Variants in SLC9A8 observed in about 807,000 individuals in gnomAD.
SLC9A8 encodes sodium/hydrogen exchanger 8.
A neutral mutation model predicts 66.6 loss-of-function variants in SLC9A8; 48 were observed. That is an observed-to-expected ratio of 0.72 (90% confidence interval 0.57 to 0.92). The LOEUF is 0.92. SLC9A8 is among the 40% of genes least tolerant of loss of function. The pLI is 0.00. For synonymous variants in SLC9A8, 274 were observed against 282.6 expected, an observed-to-expected ratio of 0.97 and a Z score of 0.31; for missense variants, 599 against 747.3, an observed-to-expected ratio of 0.80 and a Z score of 2.31.
At chr20:49,853,386 C>T (rs1419889928) in intron 7 of SLC9A8, among the ~76,000 whole-genome samples, 2 of 152,228 alleles carry the variant, frequency 1.3e-5, no homozygotes, top group Non-Finnish European at 2.9e-5. Flanking sequence ...AAGCCATCCT[C>T]CCACCTCAGC....
At chr20:49,832,035 A>G (rs2087221795) in intron 3 of SLC9A8, among the ~76,000 whole-genome samples, 1 of 152,170 alleles carries the variant, frequency 6.6e-6, no homozygotes, top group African/African-American at 2.4e-5. Context: ...GTTAGGCCAC[A>G]GACTCTTCAC....
chr20:49,860,751 A>T (rs1287049833), intron 8 of SLC9A8, among the ~76,000 whole-genome samples: 3 of 152,052 alleles, frequency 2.0e-5, no homozygotes, highest in Non-Finnish European at 1.5e-5. Context: ...AATGATATCG[A>T]TTCATGACAT....
At position 49,863,043 on chromosome 20, in the gene SLC9A8, T is replaced by C. The variant is rs1242608723; in HGVS notation, c.828T>C (p.Thr276=). Residue 276 remains threonine, a synonymous_variant, in exon 9 of 16, where the codon ACT becomes ACC. Transcript: ENST00000361573. ...KMFFGSAALG[T]LTGLISALVL... ...TCTTTGGCTCTGCAGCGCTCGGCACTCTCACTGGCTTAATTTCTGCATTAA... is the reference window on the plus strand; with the variant it reads ...TCTTTGGCTCTGCAGCGCTCGGCACCCTCACTGGCTTAATTTCTGCATTAA... 4 of 1,613,336 alleles carry C rather than the reference T, an allele frequency of 2.5e-6. No homozygotes were observed. The highest frequency in any genetic ancestry group is 4.5e-5 in the East Asian group (2 of 44,878).
chr20:49,816,193 A>G (rs2086541718), intron 2 of SLC9A8, among the ~76,000 whole-genome samples: 2 of 152,012 alleles, frequency 1.3e-5, no homozygotes, highest in Non-Finnish European at 2.9e-5. Context: ...GCCAAGGCAG[A>G]TGGATCACTT....
At chr20:49,871,910 C>G (rs2089219775) in intron 10 of SLC9A8, among the ~76,000 whole-genome samples, 1 of 152,140 alleles carries the variant, frequency 6.6e-6, no homozygotes, top group Admixed American at 6.5e-5. Flanking sequence ...TAAGGAAAAC[C>G]AGAAGGAAGA....
In SLC9A8 at chr20:49,873,919, G is replaced by A. The variant is rs111461384; in HGVS notation, c.959-786G>A. Among the ~76,000 whole-genome samples the A allele has an allele frequency of 4.4e-3, 671 of 151,872 alleles. 1 individual carries two copies. Among genetic ancestry groups the A allele is most frequent in the Non-Finnish European group, 5.9e-3 (403 of 67,974 alleles). On this transcript the variant is annotated intron_variant, in intron 10 of 15. Coordinates refer to ENST00000361573, the MANE Select transcript of SLC9A8 (RefSeq NM_015266.3). ...GAGGATCAGCTGTAGGACTCCCCAC[G>A]TATAGAAAATTCATAGGTGCTCAAG... is the stretch of plus-strand genomic sequence containing the variant.
chr20:49,816,670 C>G (rs1380894058), intron 2 of SLC9A8, among the ~76,000 whole-genome samples: 3 of 152,098 alleles, frequency 2.0e-5, no homozygotes, highest in Non-Finnish European at 4.4e-5. Flanking sequence ...CCAGTTGAAA[C>G]TACACAACCA....
chr20:49,880,966 T>C lies in SLC9A8; in HGVS notation c.1201T>C (p.Ser401Pro). Residue 401 changes from serine (S) to proline (P), a missense_variant, in exon 13 of 16, where the codon TCC becomes CCC. Ser to Pro is a moderately conservative substitution (Grantham distance 74). This residue lies in a region of SLC9A8 where 467 missense variants were observed against 626.5 expected (regional missense o/e 0.75). Coordinates refer to ENST00000361573, the MANE Select transcript of SLC9A8 (RefSeq NM_015266.3). ...FGRAVNIFPL[S>P]YLLNFFRDHK... Reference sequence around the variant, plus strand: ...CAGAGCGGTAAACATTTTCCCTCTTTCCTACCTCCTGAATTTCTTCCGGGA... The same window carrying C: ...CAGAGCGGTAAACATTTTCCCTCTTCCCTACCTCCTGAATTTCTTCCGGGA... 6.2e-7 allele frequency: 1 copy of C among 1,614,046 alleles called. No individual in the cohort carries two copies. Among genetic ancestry groups the C allele is most frequent in the Non-Finnish European group, 8.5e-7 (1 of 1,179,894 alleles).
At position 49,831,093 on chromosome 20, in the gene SLC9A8, G is replaced by T. The variant is rs200822651; in HGVS notation, c.289+7952G>T. 500 of 640,940 alleles carry T rather than the reference G, an allele frequency of 7.8e-4. 4 individuals are homozygous for T. In the East Asian group the frequency reaches 0.014, roughly 18 times the overall value. The allele number at this position is 640,940 out of a possible 1,614,324, so 39.7% of individuals were successfully genotyped here. On this transcript the variant is annotated intron_variant, in intron 3 of 15. Transcript: ENST00000361573. Reference sequence around the variant, plus strand: ...TGAGCCTGCATACACTAAGCCGTCGGACCCCCCACCCCCAGCCCTCTAATC... The same window carrying T: ...TGAGCCTGCATACACTAAGCCGTCGTACCCCCCACCCCCAGCCCTCTAATC...
intron 14 of SLC9A8, chr20:49,884,277 A>G (rs1448331407): frequency 1.2e-5 from 2 of 173,794 alleles, no homozygotes; most frequent in South Asian, 4.8e-5. Context: ...CACACACGAC[A>G]CACACACACA....
At position 49,845,028 on chromosome 20, in the gene SLC9A8, A is replaced by G; in HGVS notation, c.349-8A>G. 1 of 1,601,362 alleles carries G rather than the reference A, an allele frequency of 6.2e-7. No homozygotes were observed. The highest frequency in any genetic ancestry group is 2.2e-5 in the East Asian group (1 of 44,812). Reference sequence around the variant, plus strand: ...CATGCCCTTAAGATACTCATTTTCTATTTACAGGAAGAAGAAATGTTTCGT... The same window carrying G: ...CATGCCCTTAAGATACTCATTTTCTGTTTACAGGAAGAAGAAATGTTTCGT... On this transcript the variant is annotated splice_polypyrimidine_tract_variant and splice_region_variant and intron_variant, in intron 4 of 15. Transcript: ENST00000361573.
intron 7 of SLC9A8, among the ~76,000 whole-genome samples, chr20:49,853,730 G>A (rs990126624): frequency 3.3e-5 from 5 of 152,166 alleles, no homozygotes; most frequent in African/African-American, 1.2e-4. Flanking sequence ...CACCCATGAC[G>A]AAAATTCAGC....
chr20:49,889,549 C>T lies in SLC9A8; in HGVS notation c.*1613C>T, dbSNP rs1600839781. ...GCCCGATCCTACCACCTCGCCTTGA[C>T]CCTGAAGTCAGAGCAGGCCAGCCAA... On this transcript the variant is annotated 3_prime_UTR_variant, in exon 16 of 16. Coordinates refer to ENST00000361573, the MANE Select transcript of SLC9A8 (RefSeq NM_015266.3). 1 of 152,318 alleles carries T rather than the reference C, an allele frequency of 6.6e-6. No homozygotes were observed. The highest frequency in any genetic ancestry group is 2.4e-5 in the African/African-American group (1 of 41,466). The allele number at this position is 152,318 out of a possible 1,614,324, so 9.4% of individuals were successfully genotyped here.
rs1335832657 is a variant in SLC9A8, at chr20:49,890,181, A to C, written c.*2245A>C. ...CCCCTGTCGGCCAGGTGAGGTCAGCAGCCTGGGAGAGTGCCCCCAAGAGAT... is the reference window on the plus strand; with the variant it reads ...CCCCTGTCGGCCAGGTGAGGTCAGCCGCCTGGGAGAGTGCCCCCAAGAGAT... On this transcript the variant is annotated 3_prime_UTR_variant, in exon 16 of 16. Transcript: ENST00000361573. 2 of 152,206 alleles carry C rather than the reference A, an allele frequency of 1.3e-5. No individual in the cohort carries two copies. Among genetic ancestry groups the C allele is most frequent in the African/African-American group, 4.8e-5 (2 of 41,436 alleles). 9.4% of individuals were successfully genotyped at this position (152,206 alleles called of 1,614,324 possible). A position where few individuals can be genotyped will look rare whatever the true frequency, so the allele number is the denominator to read the frequency against.
Position 49,883,931 on chromosome 20 carries a change from C to T in SLC9A8, c.1356C>T (p.Thr452=), listed in dbSNP as rs1282840457. ...AGCGGCAGCTCATCGGCACCACCAC[C>T]ATCGTCATCGTGCTCTTCACCATCC... ...MEKRQLIGTT[T]IVIVLFTILL... is the part of the protein sequence containing the mutation. The change falls in exon 14 of 16, where the codon ACC becomes ACT. Residue 452 remains threonine (T), a synonymous_variant. Transcript: ENST00000361573. The T allele has an allele frequency of 6.2e-7, 1 of 1,612,456 alleles. No homozygotes were observed. The highest frequency in any genetic ancestry group is 8.5e-7 in the Non-Finnish European group (1 of 1,179,978).
chr20:49,884,436 C>T (rs997795828), intron 14 of SLC9A8, among the ~76,000 whole-genome samples: 2 of 151,818 alleles, frequency 1.3e-5, no homozygotes, highest in Non-Finnish European at 2.9e-5. Context: ...CCTGCCGCAG[C>T]CATGGGGGCT....
In SLC9A8 at chr20:49,850,832, A is replaced by G. The variant is rs2088216549; in HGVS notation, c.557A>G (p.Asn186Ser). The G allele has an allele frequency of 1.2e-6, 2 of 1,610,422 alleles. No homozygotes were observed. The highest frequency in any genetic ancestry group is 2.7e-5 in the African/African-American group (2 of 74,680). The part of the protein sequence containing the change: ...LGQADVISKL[N>S]MTDSFAFGSL... ...CAGGCTGATGTAATCTCTAAACTCA[A>G]CATGACAGACAGGTAAATCCTTCAT... The change falls in exon 7 of 16, where the codon AAC becomes AGC. Residue 186 changes from asparagine to serine, a missense_variant. By Grantham distance (46) the Asn-to-Ser change is conservative. Transcript: ENST00000361573.
At chr20:49,862,800 C>G in intron 8 of SLC9A8, 129 bp from the exon 9 acceptor site, 1 of 768,008 alleles carries the variant, frequency 1.3e-6, no homozygotes, top group Non-Finnish European at 2.0e-6. Context: ...AAACGTTTGG[C>G]TGACTGAATG....
chr20:49,859,413 G>A (rs1424641623), intron 8 of SLC9A8, among the ~76,000 whole-genome samples: 3 of 152,082 alleles, frequency 2.0e-5, no homozygotes, highest in East Asian at 1.9e-4. Context: ...GCCAGGCCTG[G>A]GAGGCTTATT....
Sources: allele counts gnomAD v4.1 joint callset (sites outside exome capture counted in the v4.1 genomes callset), GRCh38; gene constraint gnomAD v4.1.1; regional missense constraint gnomAD v4.1.1; transcripts MANE v1.5; gene names NCBI Gene and HGNC (gene_info 2026-07-23, HGNC 2026-07-21).